The following RPL37A variants were observed in gnomAD, a reference collection of about 807,000 sequenced individuals.
RPL37A encodes the protein large ribosomal subunit protein eL43.
RPL37A carries 5 observed loss-of-function variants against 13.6 expected under a neutral mutation model. The observed-to-expected ratio is 0.37, with a 90% confidence interval of 0.19 to 0.78. The LOEUF is 0.78. Ranked by LOEUF, RPL37A falls within the 30% of genes least tolerant of loss-of-function variation. The probability of loss-of-function intolerance (pLI) is 0.49; values close to 1 mark genes in which losing one functional copy is unlikely to be tolerated. For missense variants in RPL37A, 77 were observed against 120.0 expected, an observed-to-expected ratio of 0.64 and a Z score of 1.67; for synonymous variants, 50 against 44.4, an observed-to-expected ratio of 1.13 and a Z score of -0.50.
At chr2:216,501,285 G>T (rs1227954987) in intron 3 of RPL37A, 56 bp from the exon 4 acceptor site, 1 of 1,446,192 alleles carries the variant, frequency 6.9e-7, no homozygotes, top group African/African-American at 1.4e-5. Context: ...TTACTTATTT[G>T]CCATTTTCTA....
intron 3 of RPL37A, chr2:216,500,438 C>T (rs1371934455): frequency 1.9e-5 from 5 of 269,902 alleles, no homozygotes; most frequent in Non-Finnish European, 2.9e-5. Context: ...ACAGTTTCGT[C>T]TTTCTGAACA....
Position 216,499,731 on chromosome 2 carries a change from A to G in RPL37A, c.133-218A>G, listed in dbSNP as rs1574497087. The G allele has an allele frequency of 1.1e-5, 8 of 696,154 alleles. No homozygotes were observed. In the South Asian group the frequency reaches 1.2e-4, roughly 10 times the overall value. 43.1% of individuals were successfully genotyped at this position (696,154 alleles called of 1,614,324 possible). ...CAACTCCCAAGATGTCTGTGCATCT[A>G]ATACCATTCTACTTGTTCTGCGAGG... On this transcript the variant is annotated intron_variant, in intron 2 of 3. Coordinates refer to ENST00000491306, the MANE Select transcript of RPL37A (RefSeq NM_000998.5).
At position 216,502,724 on chromosome 2, in the gene RPL37A, A is replaced by G. The variant is rs1437410700; in HGVS notation, c.*1320A>G. 6.6e-6 allele frequency: 1 copy of G among 152,344 alleles called. No homozygotes were observed. The highest frequency in any genetic ancestry group is 2.1e-4 in the South Asian group (1 of 4,830). 9.4% of individuals were successfully genotyped at this position (152,344 alleles called of 1,614,324 possible). A position where few individuals can be genotyped will look rare whatever the true frequency, so the allele number is the denominator to read the frequency against. ...GTAGTCCTTTAAGGATGCAAATTTAATTCGATAAGAATGTGGATTTACTTC... is the reference window on the plus strand; with the variant it reads ...GTAGTCCTTTAAGGATGCAAATTTAGTTCGATAAGAATGTGGATTTACTTC... On this transcript the variant is annotated 3_prime_UTR_variant, in exon 4 of 4. Transcript: ENST00000491306.
rs1214222955 is a variant in RPL37A at position 216,502,811 on chromosome 2, G to A, written c.*1407G>A. On this transcript the variant is annotated 3_prime_UTR_variant, in exon 4 of 4. Coordinates refer to ENST00000491306, the MANE Select transcript of RPL37A (RefSeq NM_000998.5). ...GTCTGACCCCTATCTTCTATAACTT[G>A]TTTTTTTGCTCATTACTGGCCTTTG... The A allele has an allele frequency of 1.3e-5, 2 of 152,114 alleles. No individual in the cohort carries two copies. The highest frequency in any genetic ancestry group is 2.9e-5 in the Non-Finnish European group (2 of 68,032). 9.4% of individuals were successfully genotyped at this position (152,114 alleles called of 1,614,324 possible).
rs28365967 is a variant in RPL37A at position 216,498,874 on chromosome 2, C to A, written c.-1C>A. 2 of 1,614,054 alleles carry A rather than the reference C, an allele frequency of 1.2e-6. No individual in the cohort carries two copies. The highest frequency in any genetic ancestry group is 2.2e-5 in the East Asian group (1 of 44,860). ...TGGGCTCGGACCTAGGTCGCGGCGA[C>A]ATGGTGAGTGTGGGTCTCTGTGCGG... is the stretch of plus-strand genomic sequence containing the variant. On this transcript the variant is annotated 5_prime_UTR_variant, in exon 1 of 4. Transcript: ENST00000491306.
chr2:216,499,161 A>C, intron 1 of RPL37A, 109 bp from the exon 2 acceptor site: 1 of 1,350,770 alleles, frequency 7.4e-7, no homozygotes, highest in South Asian at 1.4e-5. Context: ...GGTCATATGT[A>C]ATTCACATGT....
rs1475733202 is a variant in RPL37A at position 216,501,330 on chromosome 2, T to C, written c.216-11T>C. 3 of 1,610,630 alleles carry C rather than the reference T, an allele frequency of 1.9e-6. No homozygotes were observed. Among genetic ancestry groups the C allele is most frequent in the Admixed American group, 1.7e-5 (1 of 59,840 alleles). ...GCTTAATTATGTTGGAAACTGAATCTTTCTTTCCAGTACCACTTCCGCTGT... is the reference window on the plus strand; with the variant it reads ...GCTTAATTATGTTGGAAACTGAATCCTTCTTTCCAGTACCACTTCCGCTGT... On this transcript the variant is annotated splice_polypyrimidine_tract_variant and intron_variant, in intron 3 of 3. Transcript: ENST00000491306.
chr2:216,499,031 C>T (rs779510699), intron 1 of RPL37A, 154 bp downstream of exon 1: 7 of 1,289,072 alleles, frequency 5.4e-6, no homozygotes, highest in African/African-American at 4.5e-5. Flanking sequence ...CTCCCCAAGG[C>T]GGAGGGGCGG....
rs553203872 is a variant in RPL37A at position 216,498,977 on chromosome 2, C to T, written c.3+100C>T. 1.5e-5 allele frequency: 23 copies of T among 1,506,812 alleles called. No homozygotes were observed. In the African/African-American group the frequency reaches 2.3e-4, roughly 15 times the overall value. The allele number at this position is 1,506,812 out of a possible 1,614,324, so 93.3% of individuals were successfully genotyped here. A position where few individuals can be genotyped will look rare whatever the true frequency, so the allele number is the denominator to read the frequency against. ...CTCCTCTCCTGCCTTACCCCGTGTT[C>T]TCTCCTGTCTCCATGCCTTTGCAGG... On this transcript the variant is annotated intron_variant, in intron 1 of 3. Coordinates refer to ENST00000491306, the MANE Select transcript of RPL37A (RefSeq NM_000998.5).
intron 2 of RPL37A, 67 bp from the exon 3 acceptor site, chr2:216,499,882 G>A: frequency 7.4e-7 from 1 of 1,357,892 alleles, no homozygotes; most frequent in Admixed American, 1.7e-5. Context: ...TCCAAATTTA[G>A]ACTTCTGGAT....
At chr2:216,501,132 A>G in intron 3 of RPL37A, 1 of 463,504 alleles carries the variant, frequency 2.2e-6, no homozygotes. Context: ...TGTAGTTTAG[A>G]AGCCACTAAT....
intron 1 of RPL37A, 177 bp downstream of exon 1, chr2:216,499,054 TG>T: frequency 8.5e-7 from 1 of 1,182,446 alleles, no homozygotes; most frequent in Non-Finnish European, 1.2e-6. Flanking sequence ...GCGCCTTGGC[TG>T]GGCCTGGCGC....
At chr2:216,498,995 T>G in intron 1 of RPL37A, 118 bp downstream of exon 1, 1 of 1,426,252 alleles carries the variant, frequency 7.0e-7, no homozygotes, top group Non-Finnish European at 9.8e-7. Flanking sequence ...TCTCCATGCC[T>G]TTGCAGGAGA....
chr2:216,498,919 G>C (rs749714326), intron 1 of RPL37A, 42 bp downstream of exon 1: 2 of 1,613,478 alleles, frequency 1.2e-6, no homozygotes, highest in Non-Finnish European at 1.7e-6. Context: ...CTATCTGCCT[G>C]CATCTGTCCT....
chr2:216,499,429 G>GAGGGAGGGC (rs767298919), intron 2 of RPL37A, 31 bp downstream of exon 2: 515 of 1,611,082 alleles, frequency 3.2e-4, no homozygotes, highest in Non-Finnish European at 4.2e-4. Flanking sequence ...GGTGAGAGGA[G>GAGGGAGGGC]AGGGAGGGCA....
rs1189829207 is a variant in RPL37A, at chr2:216,502,491, G to A, written c.*1087G>A. 7 of 152,332 alleles carry A rather than the reference G, an allele frequency of 4.6e-5. No homozygotes were observed. The highest frequency in any genetic ancestry group is 1.9e-4 in the East Asian group (1 of 5,182). The allele number at this position is 152,332 out of a possible 1,614,324, so 9.4% of individuals were successfully genotyped here. On this transcript the variant is annotated 3_prime_UTR_variant, in exon 4 of 4. Transcript: ENST00000491306. ...CAATTCTCCAGTTTTTAGTTTGCACGTAAGGATTCGTAGGATTGATTTCAG... is the reference window on the plus strand; with the variant it reads ...CAATTCTCCAGTTTTTAGTTTGCACATAAGGATTCGTAGGATTGATTTCAG...
At position 216,502,912 on chromosome 2, in the gene RPL37A, C is replaced by G. The variant is rs1695624302; in HGVS notation, c.*1508C>G. The G allele has an allele frequency of 6.6e-6, 1 of 152,188 alleles. No individual in the cohort carries two copies. Among genetic ancestry groups the G allele is most frequent in the African/African-American group, 2.4e-5 (1 of 41,430 alleles). 9.4% of individuals were successfully genotyped at this position (152,188 alleles called of 1,614,324 possible). A position where few individuals can be genotyped will look rare whatever the true frequency, so the allele number is the denominator to read the frequency against. ...ATCGCTACCCCAGGAGAATACTTCACTGGGTCAGGCATTTGCTAGATCCAT... is the reference window on the plus strand; with the variant it reads ...ATCGCTACCCCAGGAGAATACTTCAGTGGGTCAGGCATTTGCTAGATCCAT... On this transcript the variant is annotated 3_prime_UTR_variant, in exon 4 of 4. Coordinates refer to ENST00000491306, the MANE Select transcript of RPL37A (RefSeq NM_000998.5).
chr2:216,499,100 C>G, intron 1 of RPL37A, 170 bp from the exon 2 acceptor site: 1 of 1,147,026 alleles, frequency 8.7e-7, no homozygotes. Flanking sequence ...CTTCGGAGCG[C>G]GCGGCCAGCC....
rs1695604754 is a variant in RPL37A at position 216,501,906 on chromosome 2, T to C, written c.*502T>C. Reference sequence around the variant, plus strand: ...CTAATTTTTGTATTTTGAGTAGAGATGGAGTTTTCACCACATTGGCCAGGC... The same window carrying C: ...CTAATTTTTGTATTTTGAGTAGAGACGGAGTTTTCACCACATTGGCCAGGC... On this transcript the variant is annotated 3_prime_UTR_variant, in exon 4 of 4. Transcript: ENST00000491306. 1 of 154,130 alleles carries C rather than the reference T, an allele frequency of 6.5e-6. No homozygotes were observed. Among genetic ancestry groups the C allele is most frequent in the African/African-American group, 2.4e-5 (1 of 41,472 alleles). 9.5% of individuals were successfully genotyped at this position (154,130 alleles called of 1,614,324 possible).
Sources: allele counts gnomAD v4.1 joint callset, GRCh38; gene constraint gnomAD v4.1.1; transcripts MANE v1.5; gene names NCBI Gene and HGNC (gene_info 2026-07-23, HGNC 2026-07-21).